Variants in ARHGAP40 observed in about 807,000 individuals in gnomAD.
ARHGAP40 encodes the protein rho GTPase-activating protein 40.
Under a neutral mutation model 73.5 loss-of-function variants are expected in ARHGAP40, and 43 were observed. The observed-to-expected ratio is 0.58, with a 90% CI of 0.46 to 0.75. The LOEUF is 0.75. Ranked by LOEUF, ARHGAP40 falls within the 30% of genes least tolerant of loss-of-function variation. ARHGAP40 has a pLI of 0.00. For synonymous variants in ARHGAP40, 300 were observed against 352.8 expected (o/e 0.85, Z 1.68); for missense variants, 734 against 861.8 (o/e 0.85, Z 1.86).
intron 2 of ARHGAP40, among the ~76,000 whole-genome samples, chr20:38,626,038 C>A (rs1242690323): frequency 2.0e-5 from 3 of 152,182 alleles, no homozygotes; most frequent in Non-Finnish European, 4.4e-5. Flanking sequence ...ATGATAGAAT[C>A]AGTACCTCCA....
At chr20:38,616,147 C>A (rs1245430848) in intron 1 of ARHGAP40, among the ~76,000 whole-genome samples, 1 of 152,228 alleles carries the variant, frequency 6.6e-6, no homozygotes, top group Non-Finnish European at 1.5e-5. Flanking sequence ...TCCCACACAG[C>A]CACTCCCTGA....
intron 9 of ARHGAP40, 151 bp from the exon 10 acceptor site, chr20:38,641,575 T>G: frequency 2.4e-6 from 1 of 416,670 alleles, no homozygotes; most frequent in South Asian, 2.1e-5. Flanking sequence ...GAGCCAACAT[T>G]AGACAAGGAA....
intron 6 of ARHGAP40, among the ~76,000 whole-genome samples, chr20:38,636,929 G>A (rs563049432): frequency 6.6e-6 from 1 of 152,250 alleles, no homozygotes; most frequent in East Asian, 1.9e-4. Context: ...CAGAGGTGGG[G>A]TAGGCCAGAG....
chr20:38,618,582 C>CT (rs2088856876), intron 1 of ARHGAP40, among the ~76,000 whole-genome samples: 1 of 152,166 alleles, frequency 6.6e-6, no homozygotes, highest in Admixed American at 6.5e-5. Context: ...GACTGAATGG[C>CT]TGCGGGTGAC....
At chr20:38,611,563 A>G (rs6064763) in intron 1 of ARHGAP40, among the ~76,000 whole-genome samples, 132,097 of 151,674 alleles carry the variant, frequency 0.87, 57,953 homozygotes, top group East Asian at 0.95. Flanking sequence ...GACTCCAGTT[A>G]TGCACAACCA....
intron 13 of ARHGAP40, 85 bp downstream of exon 13, chr20:38,647,211 A>C (rs2089060077): frequency 8.4e-7 from 1 of 1,188,892 alleles, no homozygotes; most frequent in African/African-American, 1.6e-5. Flanking sequence ...AGGGGGTTAC[A>C]CATACTGTTG....
Position 38,643,616 on chromosome 20 carries a change from C to T in ARHGAP40, c.1363-88C>T, listed in dbSNP as rs1157963062. On this transcript the variant is annotated intron_variant, in intron 10 of 14. Coordinates refer to ENST00000373345, the Ensembl canonical transcript of ARHGAP40. ...AGCTCCTGGCTCCTTCCTAGCACCC[C>T]CTTATCATTCATCAGAATGCCCTGG... 8 of 1,115,434 alleles carry T rather than the reference C, an allele frequency of 7.2e-6. No individual in the cohort carries two copies. In the Admixed American group the frequency reaches 9.7e-5, roughly 14 times the overall value. 69.1% of individuals were successfully genotyped at this position (1,115,434 alleles called of 1,614,324 possible). A position where few individuals can be genotyped will look rare whatever the true frequency, so the allele number is the denominator to read the frequency against.
At chr20:38,615,458 C>A in intron 1 of ARHGAP40, 1 of 697,182 alleles carries the variant, frequency 1.4e-6, no homozygotes, top group East Asian at 2.9e-5. Flanking sequence ...GCCAGGAACT[C>A]GACCTCGGCC....
intron 11 of ARHGAP40, among the ~76,000 whole-genome samples, chr20:38,645,469 C>T (rs572484615): frequency 6.6e-4 from 101 of 152,232 alleles, no homozygotes; most frequent in Non-Finnish European, 1.2e-3. Flanking sequence ...CCTCGCTCTT[C>T]CCCGTGTGTG....
At chr20:38,601,992 C>T (rs2088736985) in exon 1 of ARHGAP40, 7 of 1,287,840 alleles carry the variant, frequency 5.4e-6, no homozygotes, top group Non-Finnish European at 7.1e-6. Flanking sequence ...AGGCTGGCCC[C>T]AGGGCCCCTA....
chr20:38,623,262 G>A, intron 1 of ARHGAP40, 97 bp from the exon 2 acceptor site: 1 of 988,750 alleles, frequency 1.0e-6, no homozygotes, highest in Non-Finnish European at 1.3e-6. Context: ...AGCCCCCAGG[G>A]GCCCAGGCTG....
At chr20:38,620,281 G>A (rs1015733559) in intron 1 of ARHGAP40, among the ~76,000 whole-genome samples, 1 of 152,126 alleles carries the variant, frequency 6.6e-6, no homozygotes, top group Admixed American at 6.5e-5. Context: ...TTGTGGATGC[G>A]TTCTCTTCCT....
At chr20:38,629,902 C>T (rs1387349887) in intron 5 of ARHGAP40, among the ~76,000 whole-genome samples, 6 of 152,130 alleles carry the variant, frequency 3.9e-5, no homozygotes, top group African/African-American at 1.4e-4. Context: ...AGAAAGCCCT[C>T]CCTCCTCCAG....
In ARHGAP40 at chr20:38,638,849, G is replaced by A; in HGVS notation, c.1119+11G>A. ...CAGGCCAGGGTCAAGGTAATGGTTT[G>A]GCTTCCTGGCTTCACTGAGGCTGCA... On this transcript the variant is annotated intron_variant, in intron 8 of 14. Transcript: ENST00000373345. The A allele has an allele frequency of 7.7e-7, 1 of 1,305,100 alleles. No individual in the cohort carries two copies. Among genetic ancestry groups the A allele is most frequent in the Non-Finnish European group, 1.0e-6 (1 of 988,728 alleles). The allele number at this position is 1,305,100 out of a possible 1,614,324, so 80.8% of individuals were successfully genotyped here.
rs113250098 is a variant in ARHGAP40 at position 38,615,298 on chromosome 20, T to G, written c.138-8061T>G. 1.3e-3 allele frequency: 986 copies of G among 773,310 alleles called. 9 individuals carry two copies. The African/African-American group carries it at 0.014, about 11-fold the overall frequency. 47.9% of individuals were successfully genotyped at this position (773,310 alleles called of 1,614,324 possible). ...TGTTCATCCACTCCGGAGGGAGCAG[T>G]CGACATTTCTGCTTTTGTTTCAGGT... On this transcript the variant is annotated intron_variant, in intron 1 of 14. Coordinates refer to ENST00000373345, the Ensembl canonical transcript of ARHGAP40.
chr20:38,648,802 A>T, intron 14 of ARHGAP40, 104 bp downstream of exon 14: 2 of 862,752 alleles, frequency 2.3e-6, no homozygotes, highest in Non-Finnish European at 1.7e-6. Flanking sequence ...GTAGGCCTGC[A>T]GATGAGCCCT....
At chr20:38,621,657 A>G (rs1221571013) in intron 1 of ARHGAP40, among the ~76,000 whole-genome samples, 1 of 152,256 alleles carries the variant, frequency 6.6e-6, no homozygotes, top group Non-Finnish European at 1.5e-5. Flanking sequence ...ACGTGGTCGT[A>G]GCCACAGGAG....
chr20:38,609,674 A>G (rs1433679131), intron 1 of ARHGAP40, among the ~76,000 whole-genome samples: 1 of 152,222 alleles, frequency 6.6e-6, no homozygotes, highest in Admixed American at 6.5e-5. Context: ...TGAGTCCCAA[A>G]GTAGGCACTG....
chr20:38,643,732 TG>T lies in ARHGAP40; in HGVS notation c.1393del (p.Ala465ProfsTer8). On this transcript the variant is annotated frameshift_variant, in exon 11 of 15. Transcript: ENST00000373345. LOFTEE classifies it high-confidence loss of function. ...CTGCTGGAATTCCTCAGGAAGGTGG[TG>T]GCCCGGGAACAGCACAACAAGATGA... 7.7e-7 allele frequency: 1 copy of T among 1,305,834 alleles called. No homozygotes were observed. The highest frequency in any genetic ancestry group is 1.2e-5 in the South Asian group (1 of 81,014). 80.9% of individuals were successfully genotyped at this position (1,305,834 alleles called of 1,614,324 possible).
Sources: gnomAD v4.1 joint callset for allele counts (sites outside exome capture counted in the v4.1 genomes callset) on GRCh38, gnomAD v4.1.1 for gene constraint, MANE v1.5 for transcripts, NCBI Gene and HGNC (gene_info 2026-07-23, HGNC 2026-07-21) for gene names.